EDDM13: variants seen among roughly 807,000 people sequenced by gnomAD.
EDDM13 encodes the protein epididymal protein 13.
A neutral mutation model predicts 17.8 loss-of-function variants in EDDM13; 24 were observed. The observed-to-expected ratio is 1.35, with a 90% CI of 0.98 to 1.90. EDDM13 has a LOEUF of 1.90. Among genes scored for constraint, EDDM13 ranks in the 40% most tolerant of loss-of-function variants. The pLI is 0.00. For missense variants in EDDM13, 97 were observed against 100.8 expected (o/e 0.96, Z 0.16); for synonymous variants, 31 against 37.5 (o/e 0.83, Z 0.63).
At chr19:56,303,486 G>GA (rs931078341) in intron 13 of EDDM13, among the ~76,000 whole-genome samples, 12 of 104,336 alleles carry the variant, frequency 1.2e-4, no homozygotes, top group South Asian at 3.6e-4. Context: ...AAAGTAAATA[G>GA]AAAAAAAAAG....
intron 1 of EDDM13, chr19:56,274,414 A>G (rs1194935449): frequency 6.6e-6 from 1 of 151,436 alleles, no homozygotes; most frequent in Non-Finnish European, 1.5e-5. Flanking sequence ...AGATCCTGCC[A>G]TTGCACTCCA....
At chr19:56,273,486 G>A (rs117391488) in intron 1 of EDDM13, among the ~76,000 whole-genome samples, 8,328 of 122,666 alleles carry the variant, frequency 0.068, 304 homozygotes, top group Non-Finnish European at 0.11. Flanking sequence ...TGTCTTCATG[G>A]AATTCTCATG....
Position 56,276,591 on chromosome 19 carries a change from T to A in EDDM13, c.103+482T>A, listed in dbSNP as rs567993745. Reference sequence around the variant, plus strand: ...TCGCTCTGTCGCCCAGGCTGGAGTGTAGTGGTGCGATCTGGGTTCACTGCA... The same window carrying A: ...TCGCTCTGTCGCCCAGGCTGGAGTGAAGTGGTGCGATCTGGGTTCACTGCA... On this transcript the variant is annotated intron_variant, in intron 2 of 14. Coordinates refer to ENST00000649256, the MANE Select transcript of EDDM13 (RefSeq NM_001354658.2). Among the ~76,000 whole-genome samples, 144 of 151,278 alleles carry A rather than the reference T, an allele frequency of 9.5e-4. 2 individuals are homozygous for A. The South Asian group carries it at 0.025, about 26-fold the overall frequency.
intron 8 of EDDM13, among the ~76,000 whole-genome samples, chr19:56,289,909 T>C (rs1363967787): frequency 1.3e-5 from 2 of 152,182 alleles, no homozygotes; most frequent in Admixed American, 6.5e-5. Flanking sequence ...CCACCACTTC[T>C]GACCCTCACA....
chr19:56,289,866 A>T (rs760542924), intron 8 of EDDM13, among the ~76,000 whole-genome samples: 4 of 152,156 alleles, frequency 2.6e-5, no homozygotes, highest in Non-Finnish European at 4.4e-5. Context: ...TTCCCATCTC[A>T]GCCTGCCAAA....
intron 13 of EDDM13, among the ~76,000 whole-genome samples, chr19:56,302,511 T>C (rs2040332331): frequency 3.7e-5 from 1 of 26,686 alleles, no homozygotes; most frequent in African/African-American, 2.4e-4. Flanking sequence ...CTGCCCTTCT[T>C]TCCTTCCTCC....
chr19:56,282,605 CAGCTT>C (rs1426805394), intron 4 of EDDM13, 106 bp downstream of exon 4: 1 of 636,822 alleles, frequency 1.6e-6, no homozygotes, highest in African/African-American at 2.0e-5. Flanking sequence ...GGTCTGTTCA[CAGCTT>C]AGCTTCTAAT....
intron 6 of EDDM13, among the ~76,000 whole-genome samples, chr19:56,287,000 A>G (rs1371022866): frequency 6.6e-6 from 1 of 152,242 alleles, no homozygotes; most frequent in Non-Finnish European, 1.5e-5. Context: ...TTGTGAGATT[A>G]TGATAAAATG....
At chr19:56,302,832 T>C in intron 13 of EDDM13, 1 of 398,778 alleles carries the variant, frequency 2.5e-6, no homozygotes, top group Non-Finnish European at 4.4e-6. Context: ...TGTCTCTTGT[T>C]CTTTCTAAGG....
chr19:56,300,983 G>C (rs1460295333), intron 12 of EDDM13, among the ~76,000 whole-genome samples: 1 of 152,150 alleles, frequency 6.6e-6, no homozygotes, highest in Non-Finnish European at 1.5e-5. Flanking sequence ...ATGAGAAAGA[G>C]AAAGGATGGC....
At chr19:56,276,193 T>C (rs1168532313) in intron 2 of EDDM13, among the ~76,000 whole-genome samples, 84 bp downstream of exon 2, 1 of 152,180 alleles carries the variant, frequency 6.6e-6, no homozygotes, top group East Asian at 1.9e-4. Flanking sequence ...TCTCTGGCAA[T>C]TCTGGGGAAG....
chr19:56,288,525 T>C (rs1309312562), intron 7 of EDDM13, among the ~76,000 whole-genome samples, 87 bp downstream of exon 7: 1 of 152,198 alleles, frequency 6.6e-6, no homozygotes, highest in East Asian at 1.9e-4. Flanking sequence ...CCACTTTTGA[T>C]GCTTTTGCTG....
intron 9 of EDDM13, among the ~76,000 whole-genome samples, chr19:56,293,173 C>A (rs1200312879): frequency 6.6e-6 from 1 of 152,152 alleles, no homozygotes; most frequent in African/African-American, 2.4e-5. Context: ...TGGTATCCTG[C>A]AGCTCAAGAG....
chr19:56,288,663 G>T (rs2039304279), intron 7 of EDDM13, among the ~76,000 whole-genome samples: 1 of 152,180 alleles, frequency 6.6e-6, no homozygotes, highest in Non-Finnish European at 1.5e-5. Flanking sequence ...ACATTTGTTA[G>T]AAGGCGTGAC....
chr19:56,301,082 A>C (rs2040197679), intron 12 of EDDM13, among the ~76,000 whole-genome samples: 1 of 152,128 alleles, frequency 6.6e-6, no homozygotes, highest in Non-Finnish European at 1.5e-5. Flanking sequence ...AGGGGTCCCG[A>C]TCAAGACCCC....
At chr19:56,278,095 T>C (rs759787131) in intron 2 of EDDM13, among the ~76,000 whole-genome samples, 5 of 129,990 alleles carry the variant, frequency 3.8e-5, no homozygotes, top group Non-Finnish European at 5.2e-5. Context: ...TCTGTCACAA[T>C]GTGCTATTTT....
At chr19:56,300,723 T>C (rs932960243) in intron 12 of EDDM13, among the ~76,000 whole-genome samples, 16 of 152,196 alleles carry the variant, frequency 1.1e-4, no homozygotes, top group Admixed American at 3.3e-4. Flanking sequence ...TTTTTTTCGT[T>C]TTCGATTTGC....
chr19:56,302,246 C>T (rs1398935636), intron 13 of EDDM13, among the ~76,000 whole-genome samples, 151 bp downstream of exon 13: 2 of 151,888 alleles, frequency 1.3e-5, no homozygotes, highest in Non-Finnish European at 2.9e-5. Flanking sequence ...CTCTTCTTCC[C>T]ACTCTCCCAC....
chr19:56,287,988 G>C (rs1271834727), intron 6 of EDDM13, among the ~76,000 whole-genome samples: 1 of 152,190 alleles, frequency 6.6e-6, no homozygotes, highest in Non-Finnish European at 1.5e-5. Context: ...CAGACCAGGA[G>C]CGTGGGTCTC....
Sources: gnomAD v4.1 joint callset for allele counts (sites outside exome capture counted in the v4.1 genomes callset) on GRCh38, gnomAD v4.1.1 for gene constraint, MANE v1.5 for transcripts, NCBI Gene and HGNC (gene_info 2026-07-23, HGNC 2026-07-21) for gene names.